Variants in SETBP1 observed in about 807,000 individuals in gnomAD.
The protein encoded by SETBP1 is SET-binding protein.
Under a neutral mutation model 101.0 loss-of-function variants are expected in SETBP1, and 9 were observed. The ratio of observed to expected loss-of-function variants is 0.09; its 90% CI spans 0.05 to 0.16. SETBP1 has a LOEUF of 0.16. SETBP1 is among the 10% of genes least tolerant of loss of function. SETBP1 has a pLI of 1.00. For synonymous variants in SETBP1, 818 were observed against 788.5 expected (o/e 1.04, Z -0.63); for missense variants, 1,858 against 2,033.8 (o/e 0.91, Z 1.66).
At chr18:44,830,237 G>T (rs974849495) in intron 2 of SETBP1, among the ~76,000 whole-genome samples, 1 of 152,142 alleles carries the variant, frequency 6.6e-6, no homozygotes, top group African/African-American at 2.4e-5. Flanking sequence ...AAACTAATTT[G>T]ACCATGGGAC....
chr18:44,928,759 C>A (rs1445131068), intron 3 of SETBP1, among the ~76,000 whole-genome samples: 1 of 152,116 alleles, frequency 6.6e-6, no homozygotes, highest in African/African-American at 2.4e-5. Context: ...TAGCCTTTAC[C>A]CACTTTTTGA....
chr18:44,979,156 G>A (rs1206117473), intron 4 of SETBP1, among the ~76,000 whole-genome samples: 1 of 152,234 alleles, frequency 6.6e-6, no homozygotes, highest in Non-Finnish European at 1.5e-5. Context: ...AACACCATGA[G>A]AGGACTTCTA....
intron 3 of SETBP1, among the ~76,000 whole-genome samples, chr18:44,946,989 G>T (rs964466006): frequency 6.6e-6 from 1 of 152,184 alleles, no homozygotes; most frequent in Non-Finnish European, 1.5e-5. Flanking sequence ...TGAAATACCT[G>T]TCGTAAAATG....
rs67399583 is a variant in SETBP1, at chr18:44,868,712, GAGGAAGGAAGGAAGGA to G, written c.487-472_487-457del. Among the ~76,000 whole-genome samples, 89 of 27,868 alleles carry G rather than the reference GAGGAAGGAAGGAAGGA, an allele frequency of 3.2e-3. 5 individuals are homozygous for G. Among genetic ancestry groups the G allele is most frequent in the East Asian group, 0.017 (21 of 1,262 alleles). 18.3% of individuals were successfully genotyped at this position (27,868 alleles called of 152,430 possible). Reference sequence around the variant, plus strand: ...AGAGAGAGAGAGGACGGAAGGAAGGGAGGAAGGAAGGAAGGAAGGAAGGAAGGAAGGAAGGAAGGAA... The same window carrying G: ...AGAGAGAGAGAGGACGGAAGGAAGGGAGGAAGGAAGGAAGGAAGGAAGGAA... On this transcript the variant is annotated intron_variant, in intron 2 of 5. Transcript: ENST00000649279.
In SETBP1 at chr18:45,063,631, A is replaced by G. The variant is rs1309006193; in HGVS notation, c.4724A>G (p.Gln1575Arg). The G allele has an allele frequency of 1.3e-6, 2 of 1,554,436 alleles. No individual in the cohort carries two copies. Among genetic ancestry groups the G allele is most frequent in the Non-Finnish European group, 1.7e-6 (2 of 1,146,940 alleles). The change falls in exon 6 of 6, where the codon CAG becomes CGG. Residue 1575 changes from glutamine (Q) to arginine (R), a missense_variant. By Grantham distance (43) the Gln-to-Arg change is conservative (BLOSUM62 1). Coordinates refer to ENST00000649279, the MANE Select transcript of SETBP1 (RefSeq NM_015559.3). ...QQSPPQQPLP[Q>R]EEEVKAKRQR... ...TCGCCCCCGCAGCAGCCCCTTCCCCAGGAAGAGGAGGTGAAAGCCAAAAGG... is the reference window on the plus strand; with the variant it reads ...TCGCCCCCGCAGCAGCCCCTTCCCCGGGAAGAGGAGGTGAAAGCCAAAAGG...
intron 4 of SETBP1, among the ~76,000 whole-genome samples, chr18:44,974,442 G>A (rs2071940884): frequency 6.6e-6 from 1 of 152,166 alleles, no homozygotes; most frequent in African/African-American, 2.4e-5. Flanking sequence ...ACTGCAGAAA[G>A]GCAAAGAGGA....
chr18:44,971,682 A>T (rs145298343), intron 4 of SETBP1, among the ~76,000 whole-genome samples: 2,412 of 152,224 alleles, frequency 0.016, 104 homozygotes, highest in East Asian at 0.12. Flanking sequence ...TTCTTTTGAG[A>T]AGTGTCTGTT....
chr18:45,055,680 C>T (rs2073797311), intron 5 of SETBP1, among the ~76,000 whole-genome samples: 1 of 152,068 alleles, frequency 6.6e-6, no homozygotes, highest in African/African-American at 2.4e-5. Flanking sequence ...GAATAAAGTA[C>T]ATTGTTGACT....
intron 2 of SETBP1, among the ~76,000 whole-genome samples, chr18:44,718,961 A>G (rs779554835): frequency 9.9e-5 from 15 of 152,184 alleles, no homozygotes; most frequent in Non-Finnish European, 1.6e-4. Flanking sequence ...TTGGAAGGAA[A>G]GTCAAGAAAC....
intron 2 of SETBP1, among the ~76,000 whole-genome samples, chr18:44,850,649 G>A (rs959959494): frequency 4.6e-5 from 7 of 152,104 alleles, no homozygotes; most frequent in Non-Finnish European, 1.0e-4. Flanking sequence ...GGAATTATAG[G>A]TGTGAGCCAC....
At chr18:44,948,650 C>T (rs901867561) in intron 3 of SETBP1, among the ~76,000 whole-genome samples, 20 of 152,178 alleles carry the variant, frequency 1.3e-4, no homozygotes, top group Non-Finnish European at 1.8e-4. Flanking sequence ...TAGGCTAATG[C>T]ATCCTGTAAG....
chr18:45,002,562 C>A (rs1221386275), intron 4 of SETBP1, among the ~76,000 whole-genome samples: 2 of 152,180 alleles, frequency 1.3e-5, no homozygotes. Flanking sequence ...CCTCCACACC[C>A]TCGATCTTTT....
intron 2 of SETBP1, among the ~76,000 whole-genome samples, chr18:44,805,431 T>G (rs893372873): frequency 1.2e-4 from 18 of 151,418 alleles, no homozygotes; most frequent in Non-Finnish European, 2.4e-4. Flanking sequence ...TGTGTGTGTG[T>G]GTGGGTGTGT....
At chr18:45,003,652 C>T (rs1392306135) in intron 4 of SETBP1, among the ~76,000 whole-genome samples, 1 of 151,094 alleles carries the variant, frequency 6.6e-6, no homozygotes, top group Non-Finnish European at 1.5e-5. Flanking sequence ...ACTTCTCTTT[C>T]CACATTAGAT....
intron 3 of SETBP1, among the ~76,000 whole-genome samples, chr18:44,880,921 T>C (rs2069517251): frequency 6.6e-6 from 1 of 152,156 alleles, no homozygotes; most frequent in Non-Finnish European, 1.5e-5. Flanking sequence ...ATATCAAGCA[T>C]GGTGTAAATA....
At chr18:44,898,464 T>C (rs1349753277) in intron 3 of SETBP1, among the ~76,000 whole-genome samples, 1 of 152,186 alleles carries the variant, frequency 6.6e-6, no homozygotes, top group East Asian at 1.9e-4. Flanking sequence ...CCTAGAAAGT[T>C]AGAATTTTAA....
intron 2 of SETBP1, among the ~76,000 whole-genome samples, chr18:44,817,645 A>G (rs2072009216): frequency 6.6e-6 from 1 of 150,802 alleles, no homozygotes; most frequent in African/African-American, 2.4e-5. Flanking sequence ...AGATCCTGCC[A>G]TTGCACTCCA....
At chr18:44,751,598 T>G (rs1358459923) in intron 2 of SETBP1, among the ~76,000 whole-genome samples, 1 of 152,242 alleles carries the variant, frequency 6.6e-6, no homozygotes, top group African/African-American at 2.4e-5. Flanking sequence ...TTTCTTGCAA[T>G]TTCATTCATA....
chr18:44,723,919 A>T (rs1053069326), intron 2 of SETBP1, among the ~76,000 whole-genome samples: 1 of 152,194 alleles, frequency 6.6e-6, no homozygotes, highest in Non-Finnish European at 1.5e-5. Flanking sequence ...CTTAAACATG[A>T]TTTACCCTGC....
Sources: gnomAD v4.1 joint callset for allele counts (sites outside exome capture counted in the v4.1 genomes callset) on GRCh38, gnomAD v4.1.1 for gene constraint, MANE v1.5 for transcripts, NCBI Gene and HGNC (gene_info 2026-07-23, HGNC 2026-07-21) for gene names.